Variants in NSG2 observed in about 807,000 individuals in gnomAD.
NSG2 encodes the protein neuronal vesicle trafficking associated 2.
In NSG2, 4 loss-of-function variants were observed where a neutral mutation model predicts 16.9. The observed-to-expected ratio is 0.24, with a 90% confidence interval of 0.12 to 0.54. The LOEUF (loss-of-function observed/expected upper bound fraction) is 0.54, where lower values mean the gene tolerates loss of function less well. NSG2 is among the 20% of genes least tolerant of loss of function. The pLI, the probability that NSG2 is intolerant of heterozygous loss-of-function variation, is 0.95. For synonymous variants in NSG2, 98 were observed against 88.7 expected, an observed-to-expected ratio of 1.11 and a Z score of -0.59; for missense variants, 179 against 221.1, an observed-to-expected ratio of 0.81 and a Z score of 1.21.
At chr5:174,052,320 G>T (rs1178376294) in intron 2 of NSG2, among the ~76,000 whole-genome samples, 1 of 152,120 alleles carries the variant, frequency 6.6e-6, no homozygotes, top group Admixed American at 6.5e-5. Flanking sequence ...GAGGCTAGTG[G>T]TATTGAGATG....
At chr5:174,064,780 A>G (rs1440447698) in intron 3 of NSG2, among the ~76,000 whole-genome samples, 2 of 152,194 alleles carry the variant, frequency 1.3e-5, no homozygotes, top group African/African-American at 2.4e-5. Context: ...CGCGAGGAGC[A>G]CTGGAGAATA....
At chr5:174,071,669 A>G (rs1262831185) in intron 3 of NSG2, among the ~76,000 whole-genome samples, 1 of 152,174 alleles carries the variant, frequency 6.6e-6, no homozygotes, top group East Asian at 1.9e-4. Flanking sequence ...CTAGCACTTT[A>G]TGTGCACTAC....
chr5:174,052,291 G>T (rs184557230), intron 2 of NSG2, among the ~76,000 whole-genome samples: 6 of 152,238 alleles, frequency 3.9e-5, no homozygotes, highest in Middle Eastern at 3.4e-3. Context: ...GGGTAGTGGG[G>T]CAGTGGCAGT....
At chr5:174,101,103 T>C (rs1452686644) in intron 3 of NSG2, among the ~76,000 whole-genome samples, 1 of 152,220 alleles carries the variant, frequency 6.6e-6, no homozygotes, top group Non-Finnish European at 1.5e-5. Context: ...AGTCTGTGGA[T>C]GAGCCTGCGA....
At chr5:174,079,949 AT>A (rs1760420801) in intron 3 of NSG2, among the ~76,000 whole-genome samples, 1 of 152,156 alleles carries the variant, frequency 6.6e-6, no homozygotes, top group South Asian at 2.1e-4. Context: ...ATATGTTACA[AT>A]TTTGATTCAT....
chr5:174,097,183 C>T (rs139881432), intron 3 of NSG2, among the ~76,000 whole-genome samples: 1 of 152,208 alleles, frequency 6.6e-6, no homozygotes, highest in Non-Finnish European at 1.5e-5. Flanking sequence ...GCCAGAGTCG[C>T]CAACTCTGTG....
chr5:174,072,956 C>T lies in NSG2; in HGVS notation c.213+8641C>T, dbSNP rs1173198290. 6.6e-6 allele frequency among the ~76,000 whole-genome samples: 1 copy of T among 152,174 alleles called. No homozygotes were observed. The highest frequency in any genetic ancestry group is 1.5e-5 in the Non-Finnish European group (1 of 68,042). Reference sequence around the variant, plus strand: ...GCCGGATTGTGCCACTGCACTCCAACCTGGGTAACAGAGTGAGATCCTGTC... The same window carrying T: ...GCCGGATTGTGCCACTGCACTCCAATCTGGGTAACAGAGTGAGATCCTGTC... On this transcript the variant is annotated intron_variant, in intron 3 of 4. Coordinates refer to ENST00000303177, the MANE Select transcript of NSG2 (RefSeq NM_015980.5). This position sits in a 1 kb window ranked among gnomAD's most constrained non-coding sequence, Gnocchi z 4.0.
chr5:174,063,420 A>T (rs914887428), intron 2 of NSG2, among the ~76,000 whole-genome samples: 1 of 152,206 alleles, frequency 6.6e-6, no homozygotes, highest in Non-Finnish European at 1.5e-5. Flanking sequence ...GATACAACAG[A>T]TTCAACAGAA....
chr5:174,084,834 A>T (rs563912429), intron 3 of NSG2, among the ~76,000 whole-genome samples: 2 of 152,342 alleles, frequency 1.3e-5, no homozygotes, highest in South Asian at 4.1e-4. Flanking sequence ...ATTAGGTTCC[A>T]GGCTCTTGCT....
At chr5:174,082,343 A>C (rs905767368) in intron 3 of NSG2, 2 of 152,226 alleles carry the variant, frequency 1.3e-5, no homozygotes, top group Non-Finnish European at 2.9e-5. Flanking sequence ...TGTTTATGTG[A>C]ATTTGATTCT....
chr5:174,086,147 C>T (rs548918761), intron 3 of NSG2, among the ~76,000 whole-genome samples: 1 of 152,304 alleles, frequency 6.6e-6, no homozygotes, highest in South Asian at 2.1e-4. Flanking sequence ...TGGAAGCCAG[C>T]TCCTGGCTCA....
At chr5:174,074,635 A>C (rs377231245) in intron 3 of NSG2, among the ~76,000 whole-genome samples, 201 of 152,178 alleles carry the variant, frequency 1.3e-3, no homozygotes, top group African/African-American at 4.7e-3. Flanking sequence ...TGATGTCCTT[A>C]GTACGGCACT....
chr5:174,086,807 C>T (rs1011536227), intron 3 of NSG2, among the ~76,000 whole-genome samples: 34 of 152,186 alleles, frequency 2.2e-4, no homozygotes, highest in African/African-American at 8.2e-4. Context: ...AAAAACATTT[C>T]GGGAGCCCAG....
At chr5:174,106,645 A>G (rs1173060532) in intron 4 of NSG2, among the ~76,000 whole-genome samples, 2 of 118,454 alleles carry the variant, frequency 1.7e-5, no homozygotes, top group Non-Finnish European at 3.2e-5. Flanking sequence ...CCCACGCTGG[A>G]GTGCAGTGGT....
At chr5:174,046,689 C>A in intron 1 of NSG2, 45 bp from the exon 2 acceptor site, 1 of 1,596,788 alleles carries the variant, frequency 6.3e-7, no homozygotes, top group Non-Finnish European at 8.6e-7. Context: ...CCCTCTCTTT[C>A]TGCCTCACCT....
intron 3 of NSG2, among the ~76,000 whole-genome samples, chr5:174,095,422 T>C (rs1206699912): frequency 6.6e-6 from 1 of 152,150 alleles, no homozygotes; most frequent in Non-Finnish European, 1.5e-5. Flanking sequence ...CTTTCCTCTT[T>C]GGGCTTGTGG....
At position 174,072,810 on chromosome 5, in the gene NSG2, C is replaced by T. The variant is rs552849878; in HGVS notation, c.213+8495C>T. Among the ~76,000 whole-genome samples the T allele has an allele frequency of 2.0e-5, 3 of 152,258 alleles. No individual in the cohort carries two copies. The highest frequency in any genetic ancestry group is 7.2e-5 in the African/African-American group (3 of 41,542). On this transcript the variant is annotated intron_variant, in intron 3 of 4. Coordinates refer to ENST00000303177, the MANE Select transcript of NSG2 (RefSeq NM_015980.5). This position sits in a 1 kb window ranked among gnomAD's most constrained non-coding sequence, Gnocchi z 4.0. ...ACCAGCCTGGGCAACATGGCAAAAC[C>T]CCATCTCTACAAAAAATGCAAAAAA...
chr5:174,106,688 G>A (rs1397527847), intron 4 of NSG2, among the ~76,000 whole-genome samples: 1 of 144,820 alleles, frequency 6.9e-6, no homozygotes, highest in Non-Finnish European at 1.5e-5. Context: ...TCTGCCTCCT[G>A]GGTTCAAGCG....
intron 3 of NSG2, among the ~76,000 whole-genome samples, chr5:174,098,433 C>T (rs542968742): frequency 2.4e-4 from 30 of 126,590 alleles, no homozygotes; most frequent in African/African-American, 1.3e-3. Context: ...CTCACCTCAG[C>T]GTTCTCTCCT....
Sources: gnomAD v4.1 joint callset for allele counts (sites outside exome capture counted in the v4.1 genomes callset) on GRCh38, gnomAD v4.1.1 for gene constraint, Gnocchi (gnomAD v3.1) non-coding constraint, MANE v1.5 for transcripts, NCBI Gene and HGNC (gene_info 2026-07-23, HGNC 2026-07-21) for gene names.